Variants in PCDHA1 observed in about 807,000 individuals in gnomAD.
PCDHA1 encodes protocadherin alpha 1.
In PCDHA1, 42 loss-of-function variants were observed where a neutral mutation model predicts 61.3. The ratio of observed to expected loss-of-function variants is 0.69; its 90% CI spans 0.54 to 0.89. PCDHA1 has a LOEUF of 0.89. Among genes scored for constraint, PCDHA1 ranks in the 40% least tolerant of loss-of-function variants. The probability of loss-of-function intolerance (pLI) is 0.00; values close to 1 mark genes in which losing one functional copy is unlikely to be tolerated. For synonymous variants in PCDHA1, 610 were observed against 553.8 expected (o/e 1.10, Z -1.43); for missense variants, 1,256 against 1,235.3 (o/e 1.02, Z -0.25).
At chr5:140,899,814 G>A (rs1212568701) in intron 1 of PCDHA1, among the ~76,000 whole-genome samples, 8 of 152,012 alleles carry the variant, frequency 5.3e-5, no homozygotes, top group African/African-American at 7.2e-5. Flanking sequence ...ATTTTGTTTT[G>A]TTTTTCCTTT....
At position 140,807,206 on chromosome 5, in the gene PCDHA1, A is replaced by G. The variant is rs782751422; in HGVS notation, c.2394+18522A>G. On this transcript the variant is annotated intron_variant, in intron 1 of 3. Transcript: ENST00000504120. ...ACTAAAGATGGAGTTTTCCTGGGGAAGCGGCCAGGAATCCCGGCGTCTGCT... is the reference window on the plus strand; with the variant it reads ...ACTAAAGATGGAGTTTTCCTGGGGAGGCGGCCAGGAATCCCGGCGTCTGCT... 4.0e-5 allele frequency: 64 copies of G among 1,613,810 alleles called. 1 individual carries two copies. The South Asian group carries it at 6.6e-4, about 17-fold the overall frequency.
chr5:140,833,359 A>G (rs1015586759), intron 1 of PCDHA1, among the ~76,000 whole-genome samples: 1 of 152,216 alleles, frequency 6.6e-6, no homozygotes, highest in South Asian at 2.1e-4. Context: ...AAACGAACAC[A>G]GTAAGGTAGA....
intron 1 of PCDHA1, chr5:140,882,343 G>A: frequency 6.2e-7 from 1 of 1,614,198 alleles, no homozygotes; most frequent in Non-Finnish European, 8.5e-7. Context: ...CAGCCTGGGA[G>A]ACGGGTAGTG....
intron 1 of PCDHA1, chr5:140,842,575 G>T (rs782407336): frequency 1.3e-6 from 2 of 1,509,128 alleles, no homozygotes; most frequent in East Asian, 4.6e-5. Flanking sequence ...GCGAGAGAGT[G>T]TCGGCCTATG....
At chr5:140,916,070 G>A (rs1554197282) in intron 1 of PCDHA1, among the ~76,000 whole-genome samples, 1 of 152,130 alleles carries the variant, frequency 6.6e-6, no homozygotes, top group Non-Finnish European at 1.5e-5. Flanking sequence ...CCTGTGGCCA[G>A]TACTACCACT....
At chr5:140,803,680 G>C (rs7707310) in intron 1 of PCDHA1, 1 of 1,584,468 alleles carries the variant, frequency 6.3e-7, no homozygotes, top group South Asian at 1.2e-5. Flanking sequence ...TAATAGTTAA[G>C]TATGAATTAT....
At chr5:140,825,101 T>A (rs2150138221) in intron 1 of PCDHA1, 2 of 151,960 alleles carry the variant, frequency 1.3e-5, no homozygotes, top group African/African-American at 4.8e-5. Context: ...ATTTTTTTCA[T>A]ATACAAATAA....
Position 140,787,062 on chromosome 5 carries a change from G to GCT in PCDHA1, c.772_773insCT (p.Gly258AlafsTer4), listed in dbSNP as rs782672303. ...CCACTTGTTAGAGACTACAGCAAAT[G>GCT]GAACATTAGTGACCACATTAAATGC... On this transcript the variant is annotated frameshift_variant, in exon 1 of 4. Transcript: ENST00000504120. LOFTEE classifies it high-confidence loss of function. The GCT allele has an allele frequency of 6.2e-7, 1 of 1,614,182 alleles. No individual in the cohort carries two copies. Among genetic ancestry groups the GCT allele is most frequent in the Non-Finnish European group, 8.5e-7 (1 of 1,180,028 alleles).
intron 1 of PCDHA1, among the ~76,000 whole-genome samples, chr5:140,874,132 A>C (rs181983769): frequency 1.3e-5 from 2 of 152,240 alleles, no homozygotes; most frequent in East Asian, 3.8e-4. Flanking sequence ...TATTTAAGTT[A>C]TCTTATACTT....
chr5:140,917,030 G>A (rs1220107705), intron 1 of PCDHA1, among the ~76,000 whole-genome samples: 3 of 152,164 alleles, frequency 2.0e-5, no homozygotes, highest in Non-Finnish European at 4.4e-5. Context: ...GCTGCTGGCT[G>A]AGTCCAGCAC....
At chr5:140,968,310 G>T (rs2096237719) in intron 1 of PCDHA1, 4 of 1,613,920 alleles carry the variant, frequency 2.5e-6, no homozygotes, top group Non-Finnish European at 3.4e-6. Flanking sequence ...GAGATTCAAG[G>T]GCTGCCAGTC....
chr5:140,823,275 G>C (rs2150124243), intron 1 of PCDHA1: 1 of 1,612,480 alleles, frequency 6.2e-7, no homozygotes, highest in Non-Finnish European at 8.5e-7. Context: ...GGGTGGGCGA[G>C]CGCCCGCTGT....
chr5:140,899,551 GC>G (rs1220661801), intron 1 of PCDHA1, among the ~76,000 whole-genome samples: 12 of 152,288 alleles, frequency 7.9e-5, no homozygotes, highest in Middle Eastern at 6.8e-3. Context: ...TGGTGGATAA[GC>G]TTTTTGATGT....
chr5:140,849,753 G>C (rs1294538786), intron 1 of PCDHA1: 1 of 1,598,398 alleles, frequency 6.3e-7, no homozygotes, highest in Non-Finnish European at 8.6e-7. Flanking sequence ...GAGTGTGTCC[G>C]CCTACGAGCT....
chr5:140,973,936 G>A (rs2096608372), intron 1 of PCDHA1, among the ~76,000 whole-genome samples: 1 of 152,334 alleles, frequency 6.6e-6, no homozygotes, highest in Admixed American at 6.5e-5. Context: ...AGGTTTAGCT[G>A]AATATGATGG....
At chr5:140,871,408 A>C (rs1053262394) in intron 1 of PCDHA1, 2 of 1,613,986 alleles carry the variant, frequency 1.2e-6, no homozygotes, top group African/African-American at 2.7e-5. Flanking sequence ...GACGGACCTC[A>C]TGGCCTTCAG....
chr5:140,828,490 C>T (rs1338028540), intron 1 of PCDHA1: 1 of 1,614,054 alleles, frequency 6.2e-7, no homozygotes, highest in Non-Finnish European at 8.5e-7. Context: ...CGCCCTTGTT[C>T]CCGGTAGAGG....
At chr5:140,928,466 T>C in intron 1 of PCDHA1, 13 of 1,614,140 alleles carry the variant, frequency 8.1e-6, no homozygotes, top group Non-Finnish European at 1.1e-5. Context: ...CATTTCCAAG[T>C]AGAAGGCCGG....
At chr5:140,853,407 GA>G (rs1453850147) in intron 1 of PCDHA1, 1 of 986,146 alleles carries the variant, frequency 1.0e-6, no homozygotes, top group African/African-American at 1.8e-5. Flanking sequence ...TCAAAACAGA[GA>G]GGTGAAAGCA....
Sources: allele counts gnomAD v4.1 joint callset (sites outside exome capture counted in the v4.1 genomes callset), GRCh38; gene constraint gnomAD v4.1.1; transcripts MANE v1.5; gene names NCBI Gene and HGNC (gene_info 2026-07-23, HGNC 2026-07-21).